The following PITPNB variants were observed in gnomAD, a reference collection of about 807,000 sequenced individuals.
PITPNB encodes the protein phosphatidylinositol transfer protein beta.
Under a neutral mutation model 45.9 loss-of-function variants are expected in PITPNB, and 16 were observed. The observed-to-expected ratio is 0.35, with a 90% CI of 0.24 to 0.53. The LOEUF (loss-of-function observed/expected upper bound fraction) is 0.53. Ranked by LOEUF, PITPNB falls within the 20% of genes least tolerant of loss-of-function variation. PITPNB has a pLI of 0.93. For missense variants in PITPNB, 188 were observed against 330.5 expected, an observed-to-expected ratio of 0.57 and a Z score of 3.34; for synonymous variants, 112 against 108.9, an observed-to-expected ratio of 1.03 and a Z score of -0.18.
At chr22:27,893,665 C>T (rs920814592) in intron 7 of PITPNB, among the ~76,000 whole-genome samples, 1 of 147,902 alleles carries the variant, frequency 6.8e-6, no homozygotes. Context: ...TCACGGCTCA[C>T]TGCAACCTCA....
At chr22:27,875,354 G>A (rs891374478) in intron 7 of PITPNB, among the ~76,000 whole-genome samples, 24 of 152,248 alleles carry the variant, frequency 1.6e-4, no homozygotes, top group Admixed American at 1.3e-3. Context: ...AGTCTGCAAG[G>A]AGCTGGACAA....
At chr22:27,864,741 C>CTCCTGTTCCT in intron 8 of PITPNB, among the ~76,000 whole-genome samples, 1 of 152,050 alleles carries the variant, frequency 6.6e-6, no homozygotes, top group East Asian at 1.9e-4. Context: ...AGTTCTAAAT[C>CTCCTGTTCCT]AGCCTGGCCA....
chr22:27,888,227 C>G (rs993370930), intron 7 of PITPNB, among the ~76,000 whole-genome samples: 1 of 152,172 alleles, frequency 6.6e-6, no homozygotes, highest in Non-Finnish European at 1.5e-5. Flanking sequence ...CACTGAACTC[C>G]ATCACATGAG....
At position 27,853,525 on chromosome 22, in the gene PITPNB, G is replaced by T; in HGVS notation, c.*177C>A. The T allele has an allele frequency of 1.0e-6, 1 of 985,052 alleles. No homozygotes were observed. Among genetic ancestry groups the T allele is most frequent in the Non-Finnish European group, 1.6e-6 (1 of 631,744 alleles). The allele number at this position is 985,052 out of a possible 1,614,324, so 61.0% of individuals were successfully genotyped here. On this transcript the variant is annotated 3_prime_UTR_variant, in exon 12 of 12. Coordinates refer to ENST00000335272, the MANE Select transcript of PITPNB (RefSeq NM_012399.5). ...TATGCACACATACATATATACACAC[G>T]TGGTTGAGAACCTGTGCATGTGTGT...
intron 8 of PITPNB, among the ~76,000 whole-genome samples, chr22:27,872,111 T>G (rs1010616707): frequency 1.2e-4 from 9 of 77,720 alleles, no homozygotes; most frequent in African/African-American, 2.8e-4. Flanking sequence ...TTTTTTTTTT[T>G]GGGACGGAGT....
At chr22:27,892,855 AG>A (rs1935320609) in intron 7 of PITPNB, among the ~76,000 whole-genome samples, 1 of 152,218 alleles carries the variant, frequency 6.6e-6, no homozygotes, top group Non-Finnish European at 1.5e-5. Context: ...ACTTCTAAGC[AG>A]GAAGGGGGCC....
chr22:27,914,114 A>G (rs575668512), intron 2 of PITPNB, among the ~76,000 whole-genome samples: 1 of 152,360 alleles, frequency 6.6e-6, no homozygotes, highest in East Asian at 1.9e-4. Flanking sequence ...GACTCTTCCA[A>G]AACAAGGCAG....
At chr22:27,914,405 T>A in intron 1 of PITPNB, 58 bp from the exon 2 acceptor site, 1 of 1,033,414 alleles carries the variant, frequency 9.7e-7, no homozygotes. Context: ...TAAACACAGA[T>A]CTCTGAAGAG....
chr22:27,872,182 C>T (rs577158744), intron 8 of PITPNB, among the ~76,000 whole-genome samples: 1 of 148,812 alleles, frequency 6.7e-6, no homozygotes, highest in Non-Finnish European at 1.5e-5. Context: ...CAACCTCTAC[C>T]TCCCGGGTTC....
chr22:27,852,013 G>A lies in PITPNB; in HGVS notation c.*1689C>T, dbSNP rs1352879974. On this transcript the variant is annotated 3_prime_UTR_variant, in exon 12 of 12. Transcript: ENST00000335272. ...AACCTATCTTACAACAGTGCCCAGA[G>A]AGTAAACATCAGTCTTTATCCTGAG... The A allele has an allele frequency of 2.0e-5, 3 of 152,336 alleles. No individual in the cohort carries two copies. The highest frequency in any genetic ancestry group is 2.1e-4 in the South Asian group (1 of 4,826). 9.4% of individuals were successfully genotyped at this position (152,336 alleles called of 1,614,324 possible).
At chr22:27,904,511 T>C (rs1465669939) in intron 3 of PITPNB, among the ~76,000 whole-genome samples, 1 of 152,256 alleles carries the variant, frequency 6.6e-6, no homozygotes, top group East Asian at 1.9e-4. Flanking sequence ...ACGAGATTTC[T>C]TTCTGGATTG....
chr22:27,882,699 C>CT (rs1212773768), intron 7 of PITPNB, among the ~76,000 whole-genome samples: 3 of 152,212 alleles, frequency 2.0e-5, no homozygotes, highest in Non-Finnish European at 4.4e-5. Flanking sequence ...AGTCTTTGAA[C>CT]TTTGACTATG....
At chr22:27,855,897 C>A (rs1344600732) in intron 10 of PITPNB, among the ~76,000 whole-genome samples, 1 of 152,154 alleles carries the variant, frequency 6.6e-6, no homozygotes, top group Admixed American at 6.5e-5. Flanking sequence ...GAAATTTCTG[C>A]GTGTGAAGAG....
chr22:27,899,331 T>G (rs902705903), intron 3 of PITPNB, among the ~76,000 whole-genome samples: 2 of 152,314 alleles, frequency 1.3e-5, no homozygotes, highest in East Asian at 3.9e-4. Flanking sequence ...ACTTATTTCT[T>G]TTTTCTTTTT....
At chr22:27,903,343 C>G (rs1025022373) in intron 3 of PITPNB, among the ~76,000 whole-genome samples, 3 of 151,654 alleles carry the variant, frequency 2.0e-5, no homozygotes, top group African/African-American at 7.3e-5. Context: ...GTGGTGCATG[C>G]CTGTAATACC....
intron 7 of PITPNB, among the ~76,000 whole-genome samples, chr22:27,893,095 G>A (rs1023579595): frequency 6.6e-6 from 1 of 152,144 alleles, no homozygotes; most frequent in Non-Finnish European, 1.5e-5. Context: ...TGAACATACC[G>A]TGCTTGACCA....
In PITPNB at chr22:27,911,042, A is replaced by G. The variant is rs1935905996; in HGVS notation, c.119T>C (p.Ile40Thr). ...ATAAGGTTCATTCTTTAAGACTTCA[A>G]TTCCTTCTCCACCACCAGTCTCATT... ...SKNETGGGEGIEVLKNEPYEK... is the reference protein window; with the variant it reads ...SKNETGGGEGTEVLKNEPYEK... Residue 40 changes from isoleucine (I) to threonine (T), a missense_variant, in exon 3 of 12, where the codon ATT becomes ACT. Transcript: ENST00000335272. 6.2e-7 allele frequency: 1 copy of G among 1,610,762 alleles called. No homozygotes were observed.
intron 8 of PITPNB, among the ~76,000 whole-genome samples, chr22:27,868,316 C>T (rs1160738017): frequency 6.6e-6 from 1 of 152,210 alleles, no homozygotes; most frequent in Non-Finnish European, 1.5e-5. Flanking sequence ...GATTTCCACA[C>T]CTGAATTTCA....
chr22:27,885,943 T>C (rs547477710), intron 7 of PITPNB, among the ~76,000 whole-genome samples: 1 of 152,286 alleles, frequency 6.6e-6, no homozygotes, highest in South Asian at 2.1e-4. Context: ...ATGAGTACAG[T>C]ACAATCCTGA....
Sources: allele counts gnomAD v4.1 joint callset (sites outside exome capture counted in the v4.1 genomes callset), GRCh38; gene constraint gnomAD v4.1.1; transcripts MANE v1.5; gene names NCBI Gene and HGNC (gene_info 2026-07-23, HGNC 2026-07-21).